The following OTUD7A variants were observed in gnomAD, a reference collection of about 807,000 sequenced individuals.
OTUD7A encodes OTU domain-containing protein 7A.
A neutral mutation model predicts 65.7 loss-of-function variants in OTUD7A; 12 were observed. That is an observed-to-expected ratio of 0.18 (90% CI 0.12 to 0.30). The LOEUF (loss-of-function observed/expected upper bound fraction) is 0.30, where lower values mean the gene tolerates loss of function less well. OTUD7A is among the 10% of genes least tolerant of loss of function. The pLI, the probability that OTUD7A is intolerant of heterozygous loss-of-function variation, is 1.00. For missense variants in OTUD7A, 1,148 were observed against 1,304.8 expected, an observed-to-expected ratio of 0.88 and a Z score of 1.85; for synonymous variants, 641 against 586.3, an observed-to-expected ratio of 1.09 and a Z score of -1.35.
At chr15:31,722,880 T>C (rs1456775129) in intron 1 of OTUD7A, among the ~76,000 whole-genome samples, 1 of 152,186 alleles carries the variant, frequency 6.6e-6, no homozygotes, top group African/African-American at 2.4e-5. Context: ...AAAAGGAAAG[T>C]TCTGAGTCCC....
chr15:31,864,141 T>A (rs1386865731), intron 1 of OTUD7A, among the ~76,000 whole-genome samples: 1 of 152,238 alleles, frequency 6.6e-6, no homozygotes, highest in Non-Finnish European at 1.5e-5. Context: ...ATTGTCCATA[T>A]TGCTGTCAGC....
At chr15:31,594,279 A>C (rs933403189) in intron 3 of OTUD7A, among the ~76,000 whole-genome samples, 1 of 152,232 alleles carries the variant, frequency 6.6e-6, no homozygotes, top group African/African-American at 2.4e-5. Context: ...AAATCGTTTC[A>C]GTTAAAAATT....
intron 3 of OTUD7A, among the ~76,000 whole-genome samples, chr15:31,599,244 T>A (rs113351045): frequency 2.4e-4 from 36 of 152,298 alleles, no homozygotes; most frequent in African/African-American, 8.4e-4. Flanking sequence ...AACAGACACC[T>A]CATACAGGAG....
In OTUD7A at chr15:31,636,287, T is replaced by G. The variant is rs151130119; in HGVS notation, c.151+18809A>C. Among the ~76,000 whole-genome samples, 275 of 152,366 alleles carry G rather than the reference T, an allele frequency of 1.8e-3. 1 individual carries two copies. Among genetic ancestry groups the G allele is most frequent in the Non-Finnish European group, 3.4e-3 (234 of 68,036 alleles). On this transcript the variant is annotated intron_variant, in intron 3 of 12. Transcript: ENST00000307050. ...GGAATTCTCACAGTATTTCAAACTT[T>G]TCCATTAGGATTATATCTGTTATAG...
chr15:31,794,633 A>G (rs1233159455), intron 1 of OTUD7A, among the ~76,000 whole-genome samples: 2 of 56,896 alleles, frequency 3.5e-5, no homozygotes, highest in South Asian at 9.6e-4. Context: ...AGAATAGTGA[A>G]AAAAAAAAAA....
intron 1 of OTUD7A, among the ~76,000 whole-genome samples, chr15:31,700,213 G>T (rs1023790464): frequency 8.0e-5 from 12 of 150,656 alleles, no homozygotes; most frequent in African/African-American, 2.9e-4. Context: ...ACAAACTATG[G>T]GTATTCTCCC....
chr15:31,732,181 T>C (rs1458774036), intron 1 of OTUD7A, among the ~76,000 whole-genome samples: 2 of 152,244 alleles, frequency 1.3e-5, no homozygotes, highest in African/African-American at 4.8e-5. Context: ...TACTTAGTCA[T>C]GCAAACAGAA....
intron 1 of OTUD7A, among the ~76,000 whole-genome samples, chr15:31,819,997 T>C (rs1291835829): frequency 6.6e-6 from 1 of 152,180 alleles, no homozygotes; most frequent in African/African-American, 2.4e-5. Context: ...AGAAGTTGAA[T>C]ACAACTCACA....
At chr15:31,565,582 G>C (rs892855128) in intron 4 of OTUD7A, among the ~76,000 whole-genome samples, 1 of 151,970 alleles carries the variant, frequency 6.6e-6, no homozygotes, top group African/African-American at 2.4e-5. Flanking sequence ...GGTTTAGATG[G>C]CAAAATAAAT....
Position 31,479,830 on chromosome 15 carries a change from T to C in OTUD7A, c.*3464A>G, listed in dbSNP as rs1162433887. 3 of 152,204 alleles carry C rather than the reference T, an allele frequency of 2.0e-5. No individual in the cohort carries two copies. Among genetic ancestry groups the C allele is most frequent in the African/African-American group, 7.2e-5 (3 of 41,444 alleles). The allele number at this position is 152,204 out of a possible 1,614,324, so 9.4% of individuals were successfully genotyped here. On this transcript the variant is annotated 3_prime_UTR_variant, in exon 13 of 13. Coordinates refer to ENST00000307050, the MANE Select transcript of OTUD7A (RefSeq NM_001382637.1). Reference sequence around the variant, plus strand: ...ACGAGAAGTAGTAAATTAAATCATTTGGGAAAACATTCGATTTGTAAATAG... The same window carrying C: ...ACGAGAAGTAGTAAATTAAATCATTCGGGAAAACATTCGATTTGTAAATAG...
intron 8 of OTUD7A, among the ~76,000 whole-genome samples, chr15:31,506,253 T>A (rs924911006): frequency 6.6e-6 from 1 of 152,062 alleles, no homozygotes; most frequent in Admixed American, 6.5e-5. Context: ...AAGCTTTTTT[T>A]AAGGCAATTT....
chr15:31,629,147 G>C (rs1891059918), intron 3 of OTUD7A, among the ~76,000 whole-genome samples: 1 of 152,110 alleles, frequency 6.6e-6, no homozygotes, highest in Non-Finnish European at 1.5e-5. Flanking sequence ...GGAGTGGTGA[G>C]AGAGGGCATC....
intron 1 of OTUD7A, among the ~76,000 whole-genome samples, chr15:31,843,886 G>A (rs776563674): frequency 1.1e-4 from 17 of 152,208 alleles, no homozygotes; most frequent in Middle Eastern, 3.4e-3. Context: ...TAAACCACAC[G>A]GTTTACATTG....
chr15:31,690,621 G>T (rs1316136464), intron 1 of OTUD7A, among the ~76,000 whole-genome samples: 4 of 152,146 alleles, frequency 2.6e-5, no homozygotes, highest in African/African-American at 9.7e-5. Context: ...TTCCACAAGG[G>T]TGCCACACAT....
chr15:31,808,140 C>CACACACACACACACACAA (rs1272100227), intron 1 of OTUD7A, among the ~76,000 whole-genome samples: 36 of 140,406 alleles, frequency 2.6e-4, no homozygotes, highest in African/African-American at 8.2e-4. Context: ...CACACACAAA[C>CACACACACACACACACAA]AAATCCTCAC....
At chr15:31,499,894 GA>G (rs1336815216) in intron 10 of OTUD7A, among the ~76,000 whole-genome samples, 2 of 152,350 alleles carry the variant, frequency 1.3e-5, no homozygotes, top group African/African-American at 4.8e-5. Flanking sequence ...AGGCCCTCCT[GA>G]AAGGTCCCAA....
chr15:31,758,775 C>T lies in OTUD7A; in HGVS notation c.-99-101698G>A, dbSNP rs184734785. ...AAGCACAACTTCCTCAAACTCAACACGACTCCATCAGAAATCATCAAATCT... is the reference window on the plus strand; with the variant it reads ...AAGCACAACTTCCTCAAACTCAACATGACTCCATCAGAAATCATCAAATCT... On this transcript the variant is annotated intron_variant, in intron 1 of 12. Transcript: ENST00000307050. Among the ~76,000 whole-genome samples the T allele has an allele frequency of 3.2e-3, 485 of 152,274 alleles. 6 individuals are homozygous for T. The highest frequency in any genetic ancestry group is 2.3e-3 in the Non-Finnish European group (158 of 68,020).
At chr15:31,619,553 CAT>C (rs1890709159) in intron 3 of OTUD7A, among the ~76,000 whole-genome samples, 1 of 73,748 alleles carries the variant, frequency 1.4e-5, no homozygotes, top group Non-Finnish European at 2.5e-5. Context: ...GGAGTTCACT[CAT>C]GATTTGGCTC....
chr15:31,621,110 G>C (rs1458643231), intron 3 of OTUD7A, among the ~76,000 whole-genome samples: 1 of 151,498 alleles, frequency 6.6e-6, no homozygotes, highest in Non-Finnish European at 1.5e-5. Context: ...GTACTAGTTT[G>C]ATTGCACTGT....
Sources: gnomAD v4.1 joint callset for allele counts (sites outside exome capture counted in the v4.1 genomes callset) on GRCh38, gnomAD v4.1.1 for gene constraint, MANE v1.5 for transcripts, NCBI Gene and HGNC (gene_info 2026-07-23, HGNC 2026-07-21) for gene names.